The following GRIA1 variants were observed in gnomAD, a reference collection of about 807,000 sequenced individuals.
GRIA1 encodes glutamate ionotropic receptor AMPA type subunit 1.
In GRIA1, 31 loss-of-function variants were observed where a neutral mutation model predicts 99.2. That is an observed-to-expected ratio of 0.31 (90% CI 0.23 to 0.42). GRIA1 has a LOEUF of 0.42. Among genes scored for constraint, GRIA1 ranks in the 10% least tolerant of loss-of-function variants. GRIA1 has a pLI of 1.00. For missense variants in GRIA1, 782 were observed against 1,157.5 expected, an observed-to-expected ratio of 0.68 and a Z score of 4.71; for synonymous variants, 438 against 432.4, an observed-to-expected ratio of 1.01 and a Z score of -0.16.
At chr5:153,627,310 A>C (rs1289626012) in intron 2 of GRIA1, among the ~76,000 whole-genome samples, 1 of 152,312 alleles carries the variant, frequency 6.6e-6, no homozygotes, top group East Asian at 1.9e-4. Flanking sequence ...ACAGATGAGC[A>C]AGCAAAGGTT....
chr5:153,810,821 G>T (rs1265823159), intron 15 of GRIA1, among the ~76,000 whole-genome samples: 1 of 152,142 alleles, frequency 6.6e-6, no homozygotes, highest in African/African-American at 2.4e-5. Flanking sequence ...CATTCAACTT[G>T]AGGCTAAGAG....
intron 2 of GRIA1, among the ~76,000 whole-genome samples, chr5:153,572,709 A>C (rs1193444566): frequency 1.3e-5 from 2 of 152,188 alleles, no homozygotes; most frequent in Non-Finnish European, 2.9e-5. Context: ...CCAAAGAAGG[A>C]GGATGATTGT....
At chr5:153,588,439 G>T (rs533312991) in intron 2 of GRIA1, among the ~76,000 whole-genome samples, 1 of 152,304 alleles carries the variant, frequency 6.6e-6, no homozygotes, top group South Asian at 2.1e-4. Flanking sequence ...TGGCATCAAA[G>T]ACTTCTGTAA....
At chr5:153,799,090 T>G (rs984564659) in intron 14 of GRIA1, among the ~76,000 whole-genome samples, 1 of 149,828 alleles carries the variant, frequency 6.7e-6, no homozygotes, top group African/African-American at 2.5e-5. Flanking sequence ...CACCCCCCCC[T>G]GACAAGCTGC....
intron 1 of GRIA1, chr5:153,491,328 T>A: frequency 1.7e-6 from 2 of 1,175,802 alleles, no homozygotes; most frequent in Non-Finnish European, 2.1e-6. Context: ...GATTCCATTT[T>A]TAATGTAAGT....
At chr5:153,740,524 G>A (rs1761707717) in intron 11 of GRIA1, among the ~76,000 whole-genome samples, 1 of 152,184 alleles carries the variant, frequency 6.6e-6, no homozygotes, top group South Asian at 2.1e-4. Flanking sequence ...GAGGAATGTG[G>A]CCAACCACTA....
chr5:153,726,659 G>A (rs564126267), intron 11 of GRIA1, among the ~76,000 whole-genome samples: 9 of 152,218 alleles, frequency 5.9e-5, no homozygotes, highest in Non-Finnish European at 2.9e-5. Flanking sequence ...TAAATTCCTC[G>A]ACACATACAC....
chr5:153,493,181 A>G (rs141825709), intron 1 of GRIA1, among the ~76,000 whole-genome samples: 20 of 152,308 alleles, frequency 1.3e-4, no homozygotes, highest in African/African-American at 4.3e-4. Context: ...TCCTCTTGAG[A>G]TGCCTAAGAT....
chr5:153,664,468 A>G (rs1755599638), intron 5 of GRIA1, among the ~76,000 whole-genome samples: 1 of 148,974 alleles, frequency 6.7e-6, no homozygotes, highest in African/African-American at 2.5e-5. Flanking sequence ...ATACATGCAT[A>G]TTTTCTGCTT....
intron 8 of GRIA1, among the ~76,000 whole-genome samples, chr5:153,686,650 C>T (rs10067724): frequency 0.17 from 25,797 of 152,222 alleles, 2,469 homozygotes; most frequent in African/African-American, 0.25. Context: ...ATGCCACTCC[C>T]ATTCCTGAGG....
chr5:153,745,929 T>C (rs1392761235), intron 11 of GRIA1, among the ~76,000 whole-genome samples: 1 of 152,214 alleles, frequency 6.6e-6, no homozygotes, highest in Non-Finnish European at 1.5e-5. Context: ...CTACCAGGTA[T>C]CTACACTTGT....
At chr5:153,592,672 T>C (rs547080247) in intron 2 of GRIA1, among the ~76,000 whole-genome samples, 2 of 152,334 alleles carry the variant, frequency 1.3e-5, no homozygotes, top group East Asian at 3.9e-4. Context: ...CTTAGCTGTT[T>C]CTTCTGATAT....
At chr5:153,706,976 G>C (rs1333189476) in intron 11 of GRIA1, among the ~76,000 whole-genome samples, 1 of 152,062 alleles carries the variant, frequency 6.6e-6, no homozygotes, top group Non-Finnish European at 1.5e-5. Flanking sequence ...AAATTAGCTG[G>C]ATGTGGTGGC....
chr5:153,664,021 G>C (rs1467818658), intron 5 of GRIA1, among the ~76,000 whole-genome samples: 4 of 152,220 alleles, frequency 2.6e-5, no homozygotes, highest in African/African-American at 7.2e-5. Flanking sequence ...GAAACTCACT[G>C]TCACCAGCAG....
At chr5:153,501,416 G>A (rs1672192033) in intron 2 of GRIA1, among the ~76,000 whole-genome samples, 2 of 152,156 alleles carry the variant, frequency 1.3e-5, no homozygotes, top group Admixed American at 1.3e-4. Flanking sequence ...CTTGAGCTGA[G>A]GACTGAAGGC....
intron 4 of GRIA1, among the ~76,000 whole-genome samples, chr5:153,655,112 T>C (rs1296951108): frequency 3.3e-5 from 5 of 152,182 alleles, no homozygotes; most frequent in Admixed American, 6.6e-5. Flanking sequence ...CAGGCTACTA[T>C]CAGATCTGGG....
At chr5:153,731,444 T>G (rs892147631) in intron 11 of GRIA1, among the ~76,000 whole-genome samples, 1 of 152,080 alleles carries the variant, frequency 6.6e-6, no homozygotes. Context: ...CAGCTCCACC[T>G]GCTAGGACAG....
At chr5:153,804,039 T>A (rs1766238235) in intron 15 of GRIA1, among the ~76,000 whole-genome samples, 1 of 152,138 alleles carries the variant, frequency 6.6e-6, no homozygotes, top group African/African-American at 2.4e-5. Flanking sequence ...TACTCCATAC[T>A]TTCGCCCCCA....
intron 2 of GRIA1, among the ~76,000 whole-genome samples, chr5:153,499,827 T>G (rs1754814362): frequency 6.6e-6 from 1 of 152,106 alleles, no homozygotes; most frequent in South Asian, 2.1e-4. Flanking sequence ...GAGCAGATTT[T>G]GGTTGTGGAG....
Sources: gnomAD v4.1 joint callset for allele counts (sites outside exome capture counted in the v4.1 genomes callset) on GRCh38, gnomAD v4.1.1 for gene constraint, MANE v1.5 for transcripts, NCBI Gene and HGNC (gene_info 2026-07-23, HGNC 2026-07-21) for gene names.